DIAPH2: variants seen among roughly 807,000 people sequenced by gnomAD.
DIAPH2 encodes the protein diaphanous related formin 2, also known as protein diaphanous homolog 2.
DIAPH2 carries 35 observed loss-of-function variants against 92.7 expected under a neutral mutation model. That is an observed-to-expected ratio of 0.38 (90% CI 0.29 to 0.50). DIAPH2 has a LOEUF of 0.50. DIAPH2 is among the 20% of genes least tolerant of loss of function. DIAPH2 has a pLI of 0.94. For missense variants in DIAPH2, 701 were observed against 819.5 expected, an observed-to-expected ratio of 0.86 and a Z score of 1.77; for synonymous variants, 301 against 280.4, an observed-to-expected ratio of 1.07 and a Z score of -0.73.
chrX:97,075,891 T>C (rs1465518075), intron 19 of DIAPH2, among the ~76,000 whole-genome samples: 1 of 112,386 alleles, frequency 8.9e-6, no homozygotes, highest in Non-Finnish European at 1.9e-5. Context: ...AGTTGCAAAG[T>C]ACCAGAACTA....
chrX:96,771,199 A>G (rs923379942), intron 4 of DIAPH2, among the ~76,000 whole-genome samples: 35 of 112,042 alleles, frequency 3.1e-4, no homozygotes, highest in Non-Finnish European at 6.2e-4. Context: ...ATGTTTAGAC[A>G]TGTATTTTGA....
chrX:96,899,763 T>C (rs1179143722), intron 5 of DIAPH2, among the ~76,000 whole-genome samples: 1 of 109,689 alleles, frequency 9.1e-6, no homozygotes, highest in Non-Finnish European at 1.9e-5. Context: ...TCCAACACTA[T>C]GTTGAATAGG....
intron 26 of DIAPH2, among the ~76,000 whole-genome samples, chrX:97,514,485 C>G (rs1387970773): frequency 1.8e-5 from 2 of 112,958 alleles, no homozygotes; most frequent in Non-Finnish European, 3.7e-5. Context: ...GTAATTTGAT[C>G]GTCTGAAGCC....
intron 1 of DIAPH2, among the ~76,000 whole-genome samples, chrX:96,732,251 T>G (rs758000341): frequency 8.9e-6 from 1 of 112,064 alleles, no homozygotes; most frequent in Non-Finnish European, 1.9e-5. Context: ...AAGATAATTG[T>G]GTAGCAGAAA....
At chrX:97,474,759 C>T (rs1481276123) in intron 26 of DIAPH2, among the ~76,000 whole-genome samples, 1 of 80,139 alleles carries the variant, frequency 1.2e-5, no homozygotes, top group African/African-American at 3.6e-5. Flanking sequence ...GAGCATGACT[C>T]CATCTCAAAA....
chrX:96,897,004 G>A (rs1191206417), intron 5 of DIAPH2, among the ~76,000 whole-genome samples: 2 of 111,209 alleles, frequency 1.8e-5, no homozygotes, highest in African/African-American at 6.5e-5. Flanking sequence ...TTTAGTGGGG[G>A]ATTATTAAGG....
At chrX:97,254,850 C>T (rs1273732118) in intron 23 of DIAPH2, among the ~76,000 whole-genome samples, 1 of 109,760 alleles carries the variant, frequency 9.1e-6, no homozygotes, top group African/African-American at 3.3e-5. Context: ...CAGGTGCTGG[C>T]CACCACACCT....
At chrX:96,881,320 A>G (rs1365612929) in intron 4 of DIAPH2, among the ~76,000 whole-genome samples, 3 of 111,110 alleles carry the variant, frequency 2.7e-5, no homozygotes, top group Non-Finnish European at 5.7e-5. Context: ...ACCCCTGTCA[A>G]TGACACTTTA....
chrX:96,726,642 C>CACACAGATTT (rs369479631), intron 1 of DIAPH2, among the ~76,000 whole-genome samples: 121 of 112,161 alleles, frequency 1.1e-3, no homozygotes, highest in African/African-American at 3.8e-3. Flanking sequence ...AAGACTGTTG[C>CACACAGATTT]ACACAGATTT....
intron 4 of DIAPH2, among the ~76,000 whole-genome samples, chrX:96,837,433 C>CTCTCTCTG (rs1189132418): frequency 1.3e-3 from 53 of 41,340 alleles, no homozygotes; most frequent in Non-Finnish European, 1.5e-3. Flanking sequence ...CTCTCTCTCT[C>CTCTCTCTG]TGTGTGTGTG....
chrX:97,520,417 T>G (rs1479441287), intron 26 of DIAPH2, among the ~76,000 whole-genome samples: 8 of 112,495 alleles, frequency 7.1e-5, no homozygotes, highest in Non-Finnish European at 1.5e-4. Flanking sequence ...AGTTATAACT[T>G]CTCCCACACA....
rs770373529 is a variant in DIAPH2 at position 96,936,112 on chromosome X, T to C, written c.1090-1121T>C. ...TACTAAAAATGAAACCAAATATAAA[T>C]ACATTTACTTGTTATGTTTTATATG... is the stretch of plus-strand genomic sequence containing the variant. On this transcript the variant is annotated intron_variant, in intron 10 of 26. Coordinates refer to ENST00000324765, the MANE Select transcript of DIAPH2 (RefSeq NM_006729.5). Among the ~76,000 whole-genome samples, 9 of 112,017 alleles carry C rather than the reference T, an allele frequency of 8.0e-5. No individual in the cohort carries two copies. The South Asian group carries it at 1.1e-3, about 14-fold the overall frequency.
intron 22 of DIAPH2, among the ~76,000 whole-genome samples, chrX:97,247,094 T>C (rs2068148753): frequency 8.9e-6 from 1 of 111,756 alleles, no homozygotes; most frequent in Admixed American, 9.6e-5. Context: ...ATGTTAGGGG[T>C]AATTACAGCA....
intron 21 of DIAPH2, among the ~76,000 whole-genome samples, chrX:97,123,028 G>C (rs1043530459): frequency 1.8e-5 from 2 of 111,825 alleles, no homozygotes; most frequent in African/African-American, 3.3e-5. Context: ...CAATTTAAGG[G>C]TCTGTCTGTG....
At chrX:97,511,652 A>C (rs866374714) in intron 26 of DIAPH2, among the ~76,000 whole-genome samples, 9 of 109,911 alleles carry the variant, frequency 8.2e-5, no homozygotes, top group African/African-American at 3.0e-4. Context: ...GGTTTGTCAT[A>C]GATAGCTCTT....
intron 1 of DIAPH2, among the ~76,000 whole-genome samples, chrX:96,696,298 C>G (rs976770634): frequency 4.5e-5 from 5 of 112,015 alleles, no homozygotes; most frequent in Non-Finnish European, 5.6e-5. Context: ...AAGCCGACTA[C>G]TTTTTAAAAA....
chrX:97,567,358 A>C (rs1035065634), intron 26 of DIAPH2, among the ~76,000 whole-genome samples: 5 of 112,403 alleles, frequency 4.4e-5, no homozygotes, highest in African/African-American at 1.6e-4. Flanking sequence ...TGCCTTATTT[A>C]TTCTGCCTCC....
chrX:96,859,866 C>G (rs1245554654), intron 4 of DIAPH2, among the ~76,000 whole-genome samples: 1 of 111,072 alleles, frequency 9.0e-6, no homozygotes, highest in African/African-American at 3.3e-5. Flanking sequence ...TGGTCTCGAT[C>G]TCCTGACCTT....
intron 17 of DIAPH2, among the ~76,000 whole-genome samples, chrX:96,967,715 C>G (rs950462159): frequency 9.0e-6 from 1 of 110,981 alleles, no homozygotes; most frequent in Non-Finnish European, 1.9e-5. Flanking sequence ...CCATGCCTGG[C>G]CAGGATATGA....
Sources: gnomAD v4.1 joint callset for allele counts (sites outside exome capture counted in the v4.1 genomes callset) on GRCh38, gnomAD v4.1.1 for gene constraint, MANE v1.5 for transcripts, NCBI Gene and HGNC (gene_info 2026-07-23, HGNC 2026-07-21) for gene names.